Variants in DENND4C observed in about 807,000 individuals in gnomAD.
DENND4C encodes DENN domain containing 4C.
In DENND4C, 108 loss-of-function variants were observed where a neutral mutation model predicts 203.0. The ratio of observed to expected loss-of-function variants is 0.53; its 90% CI spans 0.46 to 0.62. The LOEUF (loss-of-function observed/expected upper bound fraction) is 0.62. DENND4C is among the 20% of genes least tolerant of loss of function. DENND4C has a pLI of 0.00. For synonymous variants in DENND4C, 871 were observed against 792.4 expected (o/e 1.10, Z -1.67); for missense variants, 2,481 against 2,301.2 (o/e 1.08, Z -1.60).
chr9:19,330,471 C>A (rs1004767532), intron 16 of DENND4C, among the ~76,000 whole-genome samples: 6 of 150,658 alleles, frequency 4.0e-5, no homozygotes, highest in Admixed American at 1.3e-4. Flanking sequence ...TCCTGAATAG[C>A]TGGGATTACA....
At chr9:19,291,098 A>G (rs916636315) in intron 5 of DENND4C, among the ~76,000 whole-genome samples, 5 of 152,194 alleles carry the variant, frequency 3.3e-5, no homozygotes, top group Admixed American at 2.0e-4. Flanking sequence ...CTCTCTGGAT[A>G]GACACCTTCA....
chr9:19,342,618 A>C lies in DENND4C; in HGVS notation c.3005-15A>C, dbSNP rs1019470228. 15 of 1,578,860 alleles carry C rather than the reference A, an allele frequency of 9.5e-6. No homozygotes were observed. The highest frequency in any genetic ancestry group is 8.3e-5 in the South Asian group (7 of 84,780). ...GCAAAAGTAGGAATGATAACATCCAAATATTTTTTTCCAGAGGTGTGTGAT... is the reference window on the plus strand; with the variant it reads ...GCAAAAGTAGGAATGATAACATCCACATATTTTTTTCCAGAGGTGTGTGAT... On this transcript the variant is annotated splice_polypyrimidine_tract_variant and intron_variant, in intron 21 of 32. Coordinates refer to ENST00000434457, the MANE Select transcript of DENND4C (RefSeq NM_001330640.2).
intron 2 of DENND4C, among the ~76,000 whole-genome samples, chr9:19,279,670 C>G (rs1213827936): frequency 2.0e-5 from 3 of 150,894 alleles, no homozygotes; most frequent in Admixed American, 6.6e-5. Context: ...GAGTGAAACT[C>G]CTTCTCAAGA....
At chr9:19,329,147 TACC>T (rs1334946778) in intron 16 of DENND4C, among the ~76,000 whole-genome samples, 3 of 152,216 alleles carry the variant, frequency 2.0e-5, no homozygotes, top group African/African-American at 7.2e-5. Flanking sequence ...TTTGTGCAAC[TACC>T]ACCACAATTA....
chr9:19,315,910 T>TG (rs961580176), intron 10 of DENND4C, among the ~76,000 whole-genome samples: 1 of 152,180 alleles, frequency 6.6e-6, no homozygotes, highest in Non-Finnish European at 1.5e-5. Context: ...TTCACCATGT[T>TG]GGCCAGGCTG....
At chr9:19,365,543 A>C (rs1827457173) in intron 30 of DENND4C, among the ~76,000 whole-genome samples, 1 of 152,130 alleles carries the variant, frequency 6.6e-6, no homozygotes, top group South Asian at 2.1e-4. Context: ...TAGAGTAATT[A>C]GTCAAGAAAA....
chr9:19,336,364 G>A lies in DENND4C; in HGVS notation c.2684G>A (p.Arg895Lys). ...GTGGTACGTGGCTTGGCACAGTTTA[G>A]GCAGCCGCTTAAAAAGACTGTGCAA... ...RNVVRGLAQFRQPLKKTVQRS... is the reference protein window; with the variant it reads ...RNVVRGLAQFKQPLKKTVQRS... The change falls in exon 19 of 33, where the codon AGG (arginine) becomes AAG (lysine). Residue 895 changes from arginine (R) to lysine (K), a missense_variant. Around this residue, in one of 3 missense-constraint regions of DENND4C, gnomAD observed 2,289 missense variants for 2,113.3 expected, o/e 1.08. Transcript: ENST00000434457. 6.2e-7 allele frequency: 1 copy of A among 1,613,960 alleles called. No homozygotes were observed. Among genetic ancestry groups the A allele is most frequent in the African/African-American group, 1.3e-5 (1 of 75,010 alleles).
At chr9:19,292,063 T>C (rs925057577) in intron 5 of DENND4C, among the ~76,000 whole-genome samples, 20 of 152,118 alleles carry the variant, frequency 1.3e-4, no homozygotes, top group Non-Finnish European at 1.2e-4. Context: ...TCACTCTTGT[T>C]GCCCAGGCTG....
chr9:19,305,547 A>G lies in DENND4C; in HGVS notation c.1487+20A>G. ...ATATGTGTAAGTTGATTCATTTTAT[A>G]TTATCTCCCATTTATATTTTTCACT... On this transcript the variant is annotated intron_variant, in intron 10 of 32. Transcript: ENST00000434457. 1.3e-6 allele frequency: 2 copies of G among 1,594,578 alleles called. No homozygotes were observed. The highest frequency in any genetic ancestry group is 1.7e-6 in the Non-Finnish European group (2 of 1,170,568).
intron 18 of DENND4C, 80 bp from the exon 19 acceptor site, chr9:19,336,190 T>TATAA (rs1820429534): frequency 8.3e-7 from 1 of 1,204,068 alleles, no homozygotes; most frequent in African/African-American, 1.6e-5. Flanking sequence ...TATATAAACA[T>TATAA]ACACACACAC....
At chr9:19,270,021 A>G (rs1831305095) in intron 1 of DENND4C, among the ~76,000 whole-genome samples, 2 of 152,228 alleles carry the variant, frequency 1.3e-5, no homozygotes, top group Admixed American at 1.3e-4. Context: ...GTAGACTTAT[A>G]GCTGTATGGC....
intron 1 of DENND4C, among the ~76,000 whole-genome samples, chr9:19,263,589 T>A (rs531137479): frequency 6.6e-6 from 1 of 151,888 alleles, no homozygotes; most frequent in Non-Finnish European, 1.5e-5. Flanking sequence ...GAATTAGGTT[T>A]GCTATTGTTT....
At chr9:19,260,939 C>G (rs1588769733) in intron 1 of DENND4C, among the ~76,000 whole-genome samples, 1 of 152,246 alleles carries the variant, frequency 6.6e-6, no homozygotes, top group Admixed American at 6.5e-5. Flanking sequence ...AGATCTTTCC[C>G]CAGACCAGTG....
chr9:19,314,048 C>T (rs1467083438), intron 10 of DENND4C, among the ~76,000 whole-genome samples: 1 of 151,868 alleles, frequency 6.6e-6, no homozygotes, highest in Non-Finnish European at 1.5e-5. Flanking sequence ...TGCCACTCCA[C>T]TGCAGCCTGG....
intron 9 of DENND4C, among the ~76,000 whole-genome samples, chr9:19,302,308 G>A (rs900630818): frequency 3.9e-5 from 6 of 152,214 alleles, no homozygotes; most frequent in African/African-American, 1.4e-4. Flanking sequence ...AGCAAAGATT[G>A]ATAAAATGTA....
Position 19,296,094 on chromosome 9 carries a change from G to A in DENND4C, c.888G>A (p.Thr296=), listed in dbSNP as rs757295123. The A allele has an allele frequency of 2.4e-5, 39 of 1,613,882 alleles. No homozygotes were observed. Among genetic ancestry groups the A allele is most frequent in the Middle Eastern group, 1.6e-4 (1 of 6,084 alleles). Residue 296 remains threonine (T), a synonymous_variant, in exon 6 of 33, where the codon ACG becomes ACA. Transcript: ENST00000434457. ...EKQLMHLGLL[T]PVERKMVSKS... is the part of the protein sequence containing the mutation. ...AGCTTATGCACCTGGGCTTGTTGACGCCTGTGGAGAGAAAAATGGTCTCCA... is the reference window on the plus strand; with the variant it reads ...AGCTTATGCACCTGGGCTTGTTGACACCTGTGGAGAGAAAAATGGTCTCCA...
intron 30 of DENND4C, among the ~76,000 whole-genome samples, chr9:19,369,338 G>C (rs1828314924): frequency 6.6e-6 from 1 of 152,132 alleles, no homozygotes; most frequent in Non-Finnish European, 1.5e-5. Flanking sequence ...AAGGCAGAGT[G>C]ACAGGTCTGC....
At position 19,286,752 on chromosome 9, in the gene DENND4C, C is replaced by G; in HGVS notation, c.306-17C>G. 9 of 1,231,744 alleles carry G rather than the reference C, an allele frequency of 7.3e-6. No individual in the cohort carries two copies. The highest frequency in any genetic ancestry group is 9.1e-6 in the Non-Finnish European group (9 of 987,770). 76.3% of individuals were successfully genotyped at this position (1,231,744 alleles called of 1,614,324 possible). The stretch of plus-strand genomic sequence containing the variant: ...TGTATATATCTATATCTATTTCTTC[C>G]CCTTCCTGCCATGCAGAGTTCTATA... On this transcript the variant is annotated splice_polypyrimidine_tract_variant and intron_variant, in intron 2 of 32. Transcript: ENST00000434457.
chr9:19,325,292 C>G (rs1204107162), intron 13 of DENND4C, among the ~76,000 whole-genome samples: 1 of 152,002 alleles, frequency 6.6e-6, no homozygotes, highest in Non-Finnish European at 1.5e-5. Context: ...GCTTTACCCA[C>G]CCATCCTAAG....
Sources: allele counts gnomAD v4.1 joint callset (sites outside exome capture counted in the v4.1 genomes callset), GRCh38; gene constraint gnomAD v4.1.1; regional missense constraint gnomAD v4.1.1; transcripts MANE v1.5; gene names NCBI Gene and HGNC (gene_info 2026-07-23, HGNC 2026-07-21).